Variants in PTPRN2 observed in about 807,000 individuals in gnomAD.
PTPRN2 encodes receptor-type tyrosine-protein phosphatase N2.
A neutral mutation model predicts 118.8 loss-of-function variants in PTPRN2; 74 were observed. The ratio of observed to expected loss-of-function variants is 0.62; its 90% CI spans 0.52 to 0.76. The LOEUF is 0.76. Ranked by LOEUF, PTPRN2 falls within the 30% of genes least tolerant of loss-of-function variation. The pLI is 0.00. For missense variants in PTPRN2, 1,481 were observed against 1,394.4 expected (o/e 1.06, Z -0.99); for synonymous variants, 641 against 608.0 (o/e 1.05, Z -0.80).
At chr7:158,070,539 T>TCACTTCCCAGACGG (rs1811205252) in intron 11 of PTPRN2, among the ~76,000 whole-genome samples, 1 of 120,090 alleles carries the variant, frequency 8.3e-6, no homozygotes. Context: ...GAGGTGCTCC[T>TCACTTCCCAGACGG]GGTGGTGGAG....
intron 12 of PTPRN2, among the ~76,000 whole-genome samples, chr7:157,798,874 C>T (rs1447486634): frequency 6.6e-6 from 1 of 152,124 alleles, no homozygotes; most frequent in African/African-American, 2.4e-5. Flanking sequence ...GGCCTTCCTC[C>T]ACATCCCATC....
intron 2 of PTPRN2, among the ~76,000 whole-genome samples, chr7:158,434,988 A>G (rs2129430995): frequency 6.6e-6 from 1 of 152,328 alleles, no homozygotes; most frequent in East Asian, 1.9e-4. Context: ...ATAACACCTG[A>G]ACCTGTAAAC....
At chr7:158,440,243 T>A (rs550585232) in intron 2 of PTPRN2, among the ~76,000 whole-genome samples, 1 of 152,334 alleles carries the variant, frequency 6.6e-6, no homozygotes, top group South Asian at 2.1e-4. Flanking sequence ...GACATTCAGA[T>A]ACCAAATGCT....
intron 1 of PTPRN2, among the ~76,000 whole-genome samples, chr7:158,579,758 C>T (rs948979539): frequency 1.3e-5 from 2 of 152,202 alleles, no homozygotes; most frequent in African/African-American, 4.8e-5. Flanking sequence ...AGTGAAAAAG[C>T]CCCATTTCTG....
At chr7:158,100,674 A>G (rs533357529) in intron 10 of PTPRN2, among the ~76,000 whole-genome samples, 20 of 152,132 alleles carry the variant, frequency 1.3e-4, no homozygotes, top group Admixed American at 1.0e-3. Context: ...ATTTTTTCAT[A>G]TGTTTGTTGG....
At chr7:157,607,431 C>G (rs577075335) in intron 15 of PTPRN2, among the ~76,000 whole-genome samples, 2 of 152,380 alleles carry the variant, frequency 1.3e-5, no homozygotes, top group Admixed American at 1.3e-4. Context: ...CCTTTAGGCA[C>G]TTGTGAGACC....
In PTPRN2 at chr7:157,808,912, C is replaced by G. The variant is rs1805800290; in HGVS notation, c.1788+89761G>C. Among the ~76,000 whole-genome samples the G allele has an allele frequency of 6.6e-6, 1 of 152,186 alleles. No individual in the cohort carries two copies. Among genetic ancestry groups the G allele is most frequent in the Non-Finnish European group, 1.5e-5 (1 of 68,032 alleles). On this transcript the variant is annotated intron_variant, in intron 12 of 22. Transcript: ENST00000389418. The surrounding 1 kb of genome is among the most constrained non-coding windows in gnomAD (Gnocchi z 5.0). ...TTCACATGGTCAGTCCCTGCAGCAC[C>G]TCCCGAAGTGTGGTGTGTCACTTGC...
intron 12 of PTPRN2, among the ~76,000 whole-genome samples, chr7:157,775,892 C>T (rs1438406119): frequency 6.6e-6 from 1 of 152,032 alleles, no homozygotes; most frequent in Non-Finnish European, 1.5e-5. Flanking sequence ...TACAGTAACG[C>T]CGCTGTCTCT....
intron 11 of PTPRN2, among the ~76,000 whole-genome samples, chr7:157,928,866 G>A (rs560498875): frequency 1.1e-3 from 158 of 147,306 alleles, no homozygotes; most frequent in African/African-American, 3.8e-3. Flanking sequence ...GGATGGGGGG[G>A]TGGGACAGGG....
In PTPRN2 at chr7:157,676,204, C is replaced by G. The variant is rs570752173; in HGVS notation, c.2001+6521G>C. ...GCCTGACTGGGAGGACCTCTTCCCT[C>G]TAGCCCAGTTCCTCCTGGCAGCCCT... On this transcript the variant is annotated intron_variant, in intron 13 of 22. Coordinates refer to ENST00000389418, the MANE Select transcript of PTPRN2 (RefSeq NM_002847.5). This position sits in a 1 kb window ranked among gnomAD's most constrained non-coding sequence, Gnocchi z 5.6. 1.3e-5 allele frequency among the ~76,000 whole-genome samples: 2 copies of G among 152,276 alleles called. No homozygotes were observed. The highest frequency in any genetic ancestry group is 1.3e-4 in the Admixed American group (2 of 15,290).
intron 11 of PTPRN2, among the ~76,000 whole-genome samples, chr7:157,914,975 A>C (rs979959937): frequency 6.6e-6 from 1 of 152,138 alleles, no homozygotes; most frequent in Admixed American, 6.5e-5. Flanking sequence ...TTCTATTATT[A>C]TATCTTTCAT....
At chr7:157,942,661 GA>G (rs2128793469) in intron 11 of PTPRN2, among the ~76,000 whole-genome samples, 1 of 152,174 alleles carries the variant, frequency 6.6e-6, no homozygotes, top group East Asian at 1.9e-4. Context: ...GTCTAAAAAT[GA>G]TGTGTATCCC....
At chr7:158,291,504 T>C (rs1360974510) in intron 3 of PTPRN2, among the ~76,000 whole-genome samples, 1 of 152,224 alleles carries the variant, frequency 6.6e-6, no homozygotes, top group Non-Finnish European at 1.5e-5. Context: ...TGATTTCTAA[T>C]GTTTTCCAAA....
chr7:158,270,787 C>G (rs1248674621), intron 3 of PTPRN2, among the ~76,000 whole-genome samples: 1 of 97,424 alleles, frequency 1.0e-5, no homozygotes, highest in Middle Eastern at 5.6e-3. Context: ...TGGACCACCC[C>G]TCCACCTGGA....
chr7:158,320,715 T>C (rs1802944943), intron 2 of PTPRN2, among the ~76,000 whole-genome samples: 5 of 152,220 alleles, frequency 3.3e-5, no homozygotes, highest in Admixed American at 3.3e-4. Flanking sequence ...TATCTCCGTA[T>C]TTAAAGGACT....
chr7:158,140,831 ACT>A (rs1360456859), intron 6 of PTPRN2, among the ~76,000 whole-genome samples: 2 of 151,998 alleles, frequency 1.3e-5, no homozygotes, highest in East Asian at 1.9e-4. Context: ...AGCAATAAAG[ACT>A]CTGCCCTAAA....
chr7:157,686,475 G>A (rs1205989354), intron 12 of PTPRN2, among the ~76,000 whole-genome samples: 1 of 152,152 alleles, frequency 6.6e-6, no homozygotes, highest in Non-Finnish European at 1.5e-5. Context: ...AGAAAGAAAT[G>A]AGTTTAAAAG....
intron 2 of PTPRN2, among the ~76,000 whole-genome samples, chr7:158,335,530 A>T (rs1805390740): frequency 2.3e-5 from 1 of 42,642 alleles, no homozygotes; most frequent in Non-Finnish European, 5.0e-5. Flanking sequence ...ATAAGAGTTG[A>T]CACCTGCAGA....
rs1823012740 is a variant in PTPRN2 at position 158,509,337 on chromosome 7, C to T, written c.113-19552G>A. On this transcript the variant is annotated intron_variant, in intron 1 of 22. Transcript: ENST00000389418. This position sits in a 1 kb window ranked among gnomAD's most constrained non-coding sequence, Gnocchi z 4.4. ...CCTGATCCCTAACGTGCAATCGGGG[C>T]TGGAGCCGGAGACCCCTCCACCCTG... Among the ~76,000 whole-genome samples the T allele has an allele frequency of 6.6e-6, 1 of 152,146 alleles. No individual in the cohort carries two copies. The highest frequency in any genetic ancestry group is 1.5e-5 in the Non-Finnish European group (1 of 68,020).
Sources: gnomAD v4.1 joint callset for allele counts (sites outside exome capture counted in the v4.1 genomes callset) on GRCh38, gnomAD v4.1.1 for gene constraint, Gnocchi (gnomAD v3.1) non-coding constraint, MANE v1.5 for transcripts, NCBI Gene and HGNC (gene_info 2026-07-23, HGNC 2026-07-21) for gene names.